PRSS12: variants seen among roughly 807,000 people sequenced by gnomAD.
PRSS12 encodes the protein serine protease 12, also known as neurotrypsin.
In PRSS12, 85 loss-of-function variants were observed where a neutral mutation model predicts 104.4. The ratio of observed to expected loss-of-function variants is 0.81; its 90% CI spans 0.68 to 0.98. The LOEUF is 0.98. Ranked by LOEUF, PRSS12 falls within the 50% of genes least tolerant of loss-of-function variation. PRSS12 has a pLI of 0.00. For synonymous variants in PRSS12, 454 were observed against 425.2 expected (o/e 1.07, Z -0.83); for missense variants, 1,141 against 1,139.2 (o/e 1.00, Z -0.02).
At chr4:118,298,625 T>C (rs1024647487) in intron 9 of PRSS12, 108 bp downstream of exon 9, 1 of 1,131,090 alleles carries the variant, frequency 8.8e-7, no homozygotes, top group Non-Finnish European at 1.3e-6. Flanking sequence ...GACATGGATC[T>C]GTATACGTTC....
intron 6 of PRSS12, among the ~76,000 whole-genome samples, chr4:118,315,270 A>G (rs1328547391): frequency 1.3e-5 from 2 of 152,170 alleles, no homozygotes; most frequent in Non-Finnish European, 2.9e-5. Flanking sequence ...GCTGATATGA[A>G]GTTATCTACC....
intron 8 of PRSS12, among the ~76,000 whole-genome samples, chr4:118,302,052 CT>C (rs1743416973): frequency 6.6e-6 from 1 of 152,128 alleles, no homozygotes; most frequent in African/African-American, 2.4e-5. Context: ...TTGTTCTCAG[CT>C]TCCTAAGAAG....
rs114077336 is a variant in PRSS12 at position 118,347,750 on chromosome 4, A to G, written c.502+4469T>C. ...GTTGCCCAGAATGGGGTGCAGTGTCATGACTATAGCTCACTGCAGCCTCTA... is the reference window on the plus strand; with the variant it reads ...GTTGCCCAGAATGGGGTGCAGTGTCGTGACTATAGCTCACTGCAGCCTCTA... On this transcript the variant is annotated intron_variant, in intron 1 of 12. Transcript: ENST00000296498. Among the ~76,000 whole-genome samples the G allele has an allele frequency of 7.3e-3, 1,107 of 152,252 alleles. 14 individuals carry two copies. Among genetic ancestry groups the G allele is most frequent in the African/African-American group, 0.025 (1,020 of 41,544 alleles).
chr4:118,286,830 A>G (rs376529908), intron 11 of PRSS12, among the ~76,000 whole-genome samples: 49 of 152,274 alleles, frequency 3.2e-4, no homozygotes, highest in African/African-American at 1.0e-3. Flanking sequence ...CTTGGGAACC[A>G]CTGAACCAAA....
chr4:118,307,469 A>T (rs2126031879), intron 8 of PRSS12, among the ~76,000 whole-genome samples: 1 of 152,352 alleles, frequency 6.6e-6, no homozygotes, highest in Middle Eastern at 3.4e-3. Flanking sequence ...AATCCAAATT[A>T]CTATTAGTAA....
Position 118,282,221 on chromosome 4 carries a change from T to G in PRSS12, c.2343A>C (p.Leu781=), listed in dbSNP as rs761896102. ...GAAGTAAGGGAATGGCTGCTTGTTGTAGTGTTCTTGAATAGGCTCGTCCTA... is the reference window on the plus strand; with the variant it reads ...GAAGTAAGGGAATGGCTGCTTGTTGGAGTGTTCTTGAATAGGCTCGTCCTA... ...GDTGRAYSRT[L]QQAAIPLLPK... Residue 781 remains leucine, a synonymous_variant, in exon 13 of 13, where the codon CTA becomes CTC. Coordinates refer to ENST00000296498, the MANE Select transcript of PRSS12 (RefSeq NM_003619.4). 1 of 1,614,226 alleles carries G rather than the reference T, an allele frequency of 6.2e-7. No homozygotes were observed. The highest frequency in any genetic ancestry group is 2.2e-5 in the East Asian group (1 of 44,886).
At chr4:118,338,353 A>T in intron 1 of PRSS12, 39 bp from the exon 2 acceptor site, 1 of 1,612,120 alleles carries the variant, frequency 6.2e-7, no homozygotes, top group African/African-American at 1.3e-5. Context: ...TTAATAGTAA[A>T]TAATCATTTG....
chr4:118,298,629 T>C, intron 9 of PRSS12, 104 bp downstream of exon 9: 2 of 1,161,834 alleles, frequency 1.7e-6, no homozygotes, highest in East Asian at 2.4e-5. Context: ...TGGATCTGTA[T>C]ACGTTCTTGT....
intron 11 of PRSS12, among the ~76,000 whole-genome samples, chr4:118,291,886 C>A (rs777221229): frequency 6.6e-6 from 1 of 152,040 alleles, no homozygotes; most frequent in Non-Finnish European, 1.5e-5. Context: ...TTTCCTGGAA[C>A]TAAAGGCAGC....
chr4:118,282,818 G>C lies in PRSS12; in HGVS notation c.2320+13C>G. On this transcript the variant is annotated intron_variant, in intron 12 of 12. Coordinates refer to ENST00000296498, the MANE Select transcript of PRSS12 (RefSeq NM_003619.4). ...CACAAAAAGGTGCCCTGCTTTTTTT[G>C]ATTATGCCTTACCTGTGTCACCCCA... The C allele has an allele frequency of 6.2e-7, 1 of 1,613,756 alleles. No individual in the cohort carries two copies. Among genetic ancestry groups the C allele is most frequent in the African/African-American group, 1.3e-5 (1 of 74,986 alleles).
chr4:118,343,846 C>G (rs1490843219), intron 1 of PRSS12, among the ~76,000 whole-genome samples: 1 of 152,046 alleles, frequency 6.6e-6, no homozygotes, highest in East Asian at 1.9e-4. Flanking sequence ...AAAGAAAATG[C>G]AGTAAAAACA....
chr4:118,295,086 C>G (rs901452844), intron 10 of PRSS12, 25 bp from the exon 11 acceptor site: 4 of 1,612,638 alleles, frequency 2.5e-6, no homozygotes, highest in Non-Finnish European at 3.4e-6. Context: ...AGCTACACAT[C>G]AACGTCAGTA....
chr4:118,315,288 T>C (rs1743875661), intron 6 of PRSS12, among the ~76,000 whole-genome samples: 1 of 152,156 alleles, frequency 6.6e-6, no homozygotes, highest in African/African-American at 2.4e-5. Flanking sequence ...ACCCAAATTA[T>C]AATGATAGCA....
rs561197841 is a variant in PRSS12 at position 118,327,161 on chromosome 4, AT to A, written c.971+4554del. On this transcript the variant is annotated intron_variant, in intron 4 of 12. Transcript: ENST00000296498. ...TAAAATAAAAGAGCAAAGAAAAAAA[AT>A]TTTTTTTTTTGAAACAGGGTCTTAC... 2.2e-3 allele frequency among the ~76,000 whole-genome samples: 331 copies of A among 149,366 alleles called. 1 individual carries two copies. Among genetic ancestry groups the A allele is most frequent in the Middle Eastern group, 0.01 (3 of 292 alleles).
intron 1 of PRSS12, 128 bp downstream of exon 1, chr4:118,352,091 A>T (rs938834591): frequency 4.4e-6 from 6 of 1,352,216 alleles, no homozygotes; most frequent in Non-Finnish European, 6.0e-6. Flanking sequence ...CCACCATCAC[A>T]GCCCGCAAAC....
chr4:118,294,872 C>A (rs1303840169), intron 11 of PRSS12, 67 bp downstream of exon 11: 1 of 1,599,880 alleles, frequency 6.3e-7, no homozygotes, highest in Admixed American at 1.7e-5. Context: ...TGCTGTAGAG[C>A]ATGAGGGGAT....
At chr4:118,304,262 A>T (rs921210418) in intron 8 of PRSS12, among the ~76,000 whole-genome samples, 6 of 151,830 alleles carry the variant, frequency 4.0e-5, no homozygotes, top group African/African-American at 7.2e-5. Context: ...GGGGGAAGAA[A>T]ATTTAAAATA....
At position 118,318,538 on chromosome 4, in the gene PRSS12, C is replaced by T. The variant is rs1249060325; in HGVS notation, c.990G>A (p.Trp330Ter). The part of the protein sequence containing the change: ...QLGLSGIAKA[W>*]HQAYFGEGSG... ...ACCCTTCCCCAAAATATGCCTGATGCCATGCTTTGGCAATGCCACTGAACA... is the reference window on the plus strand; with the variant it reads ...ACCCTTCCCCAAAATATGCCTGATGTCATGCTTTGGCAATGCCACTGAACA... Residue 330 changes from tryptophan to a stop codon, truncating the protein, a stop_gained, in exon 5 of 13, where the codon TGG becomes TGA. Coordinates refer to ENST00000296498, the MANE Select transcript of PRSS12 (RefSeq NM_003619.4). LOFTEE classifies it high-confidence loss of function. 1 of 1,613,926 alleles carries T rather than the reference C, an allele frequency of 6.2e-7. No individual in the cohort carries two copies. The highest frequency in any genetic ancestry group is 1.3e-5 in the African/African-American group (1 of 74,902).
chr4:118,308,497 T>C lies in PRSS12; in HGVS notation c.1570A>G (p.Ile524Val). 6.2e-7 allele frequency: 1 copy of C among 1,614,080 alleles called. No homozygotes were observed. Among genetic ancestry groups the C allele is most frequent in the Non-Finnish European group, 8.5e-7 (1 of 1,179,976 alleles). Residue 524 changes from isoleucine to valine, a missense_variant, in exon 8 of 13, where the codon ATC becomes GTC. Transcript: ENST00000296498. ...TTATCAGTCCATCCATCATCACAGA[T>C]TGTTCCCCACTGGCCATTGATAAAA... ...EVFINGQWGT[I>V]CDDGWTDKDA... is the part of the protein sequence containing the mutation.
Sources: allele counts gnomAD v4.1 joint callset (sites outside exome capture counted in the v4.1 genomes callset), GRCh38; gene constraint gnomAD v4.1.1; transcripts MANE v1.5; gene names NCBI Gene and HGNC (gene_info 2026-07-23, HGNC 2026-07-21).